Variants in SLC8A1 observed in about 807,000 individuals in gnomAD.
SLC8A1 encodes the protein solute carrier family 8 member A1.
A neutral mutation model predicts 68.3 loss-of-function variants in SLC8A1; 18 were observed. The ratio of observed to expected loss-of-function variants is 0.26; its 90% confidence interval spans 0.18 to 0.39. The LOEUF is 0.39. Ranked by LOEUF, SLC8A1 falls within the 10% of genes least tolerant of loss-of-function variation. The probability of loss-of-function intolerance (pLI) is 1.00; values close to 1 mark genes in which losing one functional copy is unlikely to be tolerated. For missense variants in SLC8A1, 985 were observed against 1,156.7 expected (o/e 0.85, Z 2.15); for synonymous variants, 475 against 415.5 (o/e 1.14, Z -1.74).
At chr2:40,339,308 G>A (rs1559306400) in intron 2 of SLC8A1, among the ~76,000 whole-genome samples, 1 of 152,180 alleles carries the variant, frequency 6.6e-6, no homozygotes, top group African/African-American at 2.4e-5. Context: ...TAAAGGTAAT[G>A]TGCATTCTCT....
At chr2:40,475,157 G>A (rs983435546) in intron 1 of SLC8A1, among the ~76,000 whole-genome samples, 6 of 151,750 alleles carry the variant, frequency 4.0e-5, no homozygotes, top group Non-Finnish European at 5.9e-5. Flanking sequence ...TTTTTGAGAC[G>A]GAGTCTCGCT....
intron 2 of SLC8A1, among the ~76,000 whole-genome samples, chr2:40,321,800 A>G (rs2075227474): frequency 1.3e-5 from 2 of 152,094 alleles, no homozygotes; most frequent in African/African-American, 4.8e-5. Flanking sequence ...GGGAACTACA[A>G]TTCAAGATAA....
chr2:40,107,879 AT>A (rs912582330), exon 8 of SLC8A1: 14 of 152,194 alleles, frequency 9.2e-5, no homozygotes, highest in Non-Finnish European at 1.9e-4. Context: ...CATTATAAAT[AT>A]TTTTTAAAAA....
chr2:40,357,603 G>T (rs776785804), intron 2 of SLC8A1, among the ~76,000 whole-genome samples: 23 of 151,836 alleles, frequency 1.5e-4, no homozygotes, highest in Admixed American at 7.9e-4. Flanking sequence ...CAGGTTGAAG[G>T]GAGCAGTAAA....
chr2:40,120,345 G>A lies in SLC8A1; in HGVS notation c.2438-4716C>T, dbSNP rs115794690. Among the ~76,000 whole-genome samples the A allele has an allele frequency of 6.3e-3, 964 of 152,206 alleles. 8 individuals carry two copies. The highest frequency in any genetic ancestry group is 0.022 in the African/African-American group (893 of 41,516). ...CCAGCAACCAGACCTTGACGTATTC[G>A]TTCACTGACAATGAAAGAGGCAGCC... On this transcript the variant is annotated intron_variant, in intron 7 of 7. Transcript: ENST00000406785.
intron 6 of SLC8A1, among the ~76,000 whole-genome samples, chr2:40,148,907 G>T (rs1184723018): frequency 1.3e-5 from 2 of 152,156 alleles, no homozygotes; most frequent in East Asian, 3.8e-4. Flanking sequence ...GCTAAGGTGG[G>T]TGCTGACAAT....
chr2:40,465,659 A>G (rs1019857031), intron 1 of SLC8A1, among the ~76,000 whole-genome samples: 1 of 152,154 alleles, frequency 6.6e-6, no homozygotes, highest in Non-Finnish European at 1.5e-5. Flanking sequence ...ATTATAAAGA[A>G]TTTTAATATA....
chr2:40,247,799 C>G (rs2062092641), intron 2 of SLC8A1, among the ~76,000 whole-genome samples: 1 of 152,070 alleles, frequency 6.6e-6, no homozygotes, highest in Admixed American at 6.6e-5. Flanking sequence ...CAGTAGAAAC[C>G]CAATATGCAC....
chr2:40,304,621 T>A (rs533476984), intron 2 of SLC8A1, among the ~76,000 whole-genome samples: 3 of 152,134 alleles, frequency 2.0e-5, no homozygotes, highest in African/African-American at 7.2e-5. Flanking sequence ...CGGTTTGGCA[T>A]CCTCTTCAAC....
At chr2:40,139,971 T>G (rs1367899958) in intron 6 of SLC8A1, among the ~76,000 whole-genome samples, 1 of 152,192 alleles carries the variant, frequency 6.6e-6, no homozygotes, top group Admixed American at 6.5e-5. Flanking sequence ...GTAAGACTTG[T>G]CACTTCAGAG....
At chr2:40,175,190 C>A (rs2048252463) in intron 3 of SLC8A1, 71 bp downstream of exon 4, 1 of 1,443,264 alleles carries the variant, frequency 6.9e-7, no homozygotes, top group African/African-American at 1.4e-5. Context: ...CACAGAGCTA[C>A]TGTATCACCT....
At chr2:40,449,602 C>T (rs557258496) in intron 1 of SLC8A1, among the ~76,000 whole-genome samples, 1 of 152,314 alleles carries the variant, frequency 6.6e-6, no homozygotes, top group Middle Eastern at 3.4e-3. Context: ...ATGCTCTTTT[C>T]TTCCCCTGGT....
At chr2:40,403,877 G>A (rs752471692) in intron 2 of SLC8A1, among the ~76,000 whole-genome samples, 2 of 152,168 alleles carry the variant, frequency 1.3e-5, no homozygotes, top group African/African-American at 2.4e-5. Flanking sequence ...TCCTGACAGT[G>A]CCATATGTAC....
chr2:40,194,484 T>TGC (rs2052547374), intron 2 of SLC8A1, among the ~76,000 whole-genome samples: 1 of 145,730 alleles, frequency 6.9e-6, no homozygotes, highest in South Asian at 2.1e-4. Context: ...TGTGTGTGTG[T>TGC]GTGTGTGTGT....
chr2:40,474,165 G>A (rs1241244185), intron 1 of SLC8A1, among the ~76,000 whole-genome samples: 1 of 152,082 alleles, frequency 6.6e-6, no homozygotes, highest in Non-Finnish European at 1.5e-5. Context: ...CAGAACAATT[G>A]TTCTCTAGGA....
chr2:40,451,195 C>T (rs2149876560), intron 1 of SLC8A1, among the ~76,000 whole-genome samples: 1 of 152,300 alleles, frequency 6.6e-6, no homozygotes, highest in Middle Eastern at 3.4e-3. Flanking sequence ...GCTCCAGAGG[C>T]AGAGAATGCA....
chr2:40,359,953 A>C (rs1446521362), intron 2 of SLC8A1, among the ~76,000 whole-genome samples: 1 of 151,790 alleles, frequency 6.6e-6, no homozygotes, highest in Non-Finnish European at 1.5e-5. Context: ...AAAAACAGAT[A>C]CATAATGAGT....
chr2:40,160,379 G>C (rs1278153704), intron 6 of SLC8A1, among the ~76,000 whole-genome samples: 1 of 152,174 alleles, frequency 6.6e-6, no homozygotes, highest in Non-Finnish European at 1.5e-5. Context: ...GTGTCTTAGT[G>C]TCTTCCCTTT....
intron 4 of SLC8A1, among the ~76,000 whole-genome samples, chr2:40,167,344 T>A (rs1573464369): frequency 6.6e-6 from 1 of 152,214 alleles, no homozygotes; most frequent in Non-Finnish European, 1.5e-5. Flanking sequence ...CTTTTTTCCA[T>A]TGTAAAAATT....
Sources: allele counts gnomAD v4.1 joint callset (sites outside exome capture counted in the v4.1 genomes callset), GRCh38; gene constraint gnomAD v4.1.1; transcripts MANE v1.5; gene names NCBI Gene and HGNC (gene_info 2026-07-23, HGNC 2026-07-21).